Variants in NEDD9 observed in about 807,000 individuals in gnomAD.
NEDD9 encodes neural precursor cell expressed, developmentally down-regulated 9.
Under a neutral mutation model 76.6 loss-of-function variants are expected in NEDD9, and 26 were observed. The ratio of observed to expected loss-of-function variants is 0.34; its 90% confidence interval spans 0.25 to 0.47. The LOEUF (loss-of-function observed/expected upper bound fraction) is 0.47. Among genes scored for constraint, NEDD9 ranks in the 20% least tolerant of loss-of-function variants. The probability of loss-of-function intolerance (pLI) is 1.00; values close to 1 mark genes in which losing one functional copy is unlikely to be tolerated. For missense variants in NEDD9, 937 were observed against 1,058.5 expected, an observed-to-expected ratio of 0.89 and a Z score of 1.59; for synonymous variants, 392 against 414.2, an observed-to-expected ratio of 0.95 and a Z score of 0.65.
rs568489864 is a variant in NEDD9, at chr6:11,205,316, C to T, written c.459+7965G>A. On this transcript the variant is annotated intron_variant, in intron 2 of 6. Transcript: ENST00000379446. Reference sequence around the variant, plus strand: ...CCTAACATGGAGCCAAGGCTCAAGGCGCCTTGGGGTCACCCCCACTTTAGT... The same window carrying T: ...CCTAACATGGAGCCAAGGCTCAAGGTGCCTTGGGGTCACCCCCACTTTAGT... Among the ~76,000 whole-genome samples the T allele has an allele frequency of 5.9e-5, 9 of 152,294 alleles. No individual in the cohort carries two copies. The East Asian group carries it at 7.7e-4, about 13-fold the overall frequency.
At chr6:11,321,287 G>A (rs1012391980) in intron 2 of NEDD9, among the ~76,000 whole-genome samples, 7 of 152,144 alleles carry the variant, frequency 4.6e-5, no homozygotes, top group Non-Finnish European at 7.4e-5. Flanking sequence ...AAATAAAAGC[G>A]AAGGCCACCA....
chr6:11,245,059 C>A (rs1759781857), intron 3 of NEDD9, among the ~76,000 whole-genome samples: 1 of 152,220 alleles, frequency 6.6e-6, no homozygotes, highest in Non-Finnish European at 1.5e-5. Context: ...CCTGTGGCAG[C>A]ACATACAGGG....
rs1581983913 is a variant in NEDD9 at position 11,251,918 on chromosome 6, G to T, written c.13-38191C>A. On this transcript the variant is annotated intron_variant, in intron 3 of 3. Transcript: ENST00000397378. ...GGATTCTGTGCTGCTTCATGCTTTG[G>T]CATGACTCTATGTATGTGTGTGTGG... is the stretch of plus-strand genomic sequence containing the variant. Among the ~76,000 whole-genome samples, 3 of 152,102 alleles carry T rather than the reference G, an allele frequency of 2.0e-5. No individual in the cohort carries two copies. The South Asian group carries it at 6.2e-4, about 32-fold the overall frequency.
chr6:11,345,555 C>G (rs1002029398), intron 1 of NEDD9, among the ~76,000 whole-genome samples: 1 of 152,102 alleles, frequency 6.6e-6, no homozygotes, highest in Admixed American at 6.5e-5. Context: ...TCCGCACATC[C>G]CTATGCTGTG....
intron 1 of NEDD9, among the ~76,000 whole-genome samples, chr6:11,347,560 G>A (rs1762386391): frequency 6.6e-6 from 1 of 152,120 alleles, no homozygotes; most frequent in Non-Finnish European, 1.5e-5. Flanking sequence ...CAAAATACTA[G>A]CAAACCTTTC....
In NEDD9 at chr6:11,232,451, C is replaced by T. The variant is rs2296567; in HGVS notation, c.12+53G>A. On this transcript the variant is annotated intron_variant, in intron 1 of 6. Transcript: ENST00000379446. The stretch of plus-strand genomic sequence containing the variant: ...GGAACACGCATACACAAGCACACAC[C>T]CGCAGGCACAGCTTTCAGCTTGCAA... 7,104 of 1,610,776 alleles carry T rather than the reference C, an allele frequency of 4.4e-3. 193 individuals carry two copies. The Admixed American group carries it at 0.056, about 13-fold the overall frequency.
chr6:11,339,006 A>G (rs939673960), intron 1 of NEDD9, among the ~76,000 whole-genome samples: 2 of 151,828 alleles, frequency 1.3e-5, no homozygotes, highest in South Asian at 2.1e-4. Flanking sequence ...AAATAAAACT[A>G]TCTGGATCTA....
intron 3 of NEDD9, among the ~76,000 whole-genome samples, chr6:11,297,223 C>T (rs943156563): frequency 2.0e-5 from 3 of 151,584 alleles, no homozygotes; most frequent in Non-Finnish European, 4.4e-5. Flanking sequence ...GTTTAACTAC[C>T]AGCTCTTTGA....
chr6:11,373,292 A>G (rs1273545876), intron 1 of NEDD9, among the ~76,000 whole-genome samples: 1 of 152,252 alleles, frequency 6.6e-6, no homozygotes, highest in African/African-American at 2.4e-5. Context: ...TGAAAGCTAC[A>G]TAATGAATAA....
chr6:11,190,059 G>T lies in NEDD9; in HGVS notation c.1810C>A (p.Pro604Thr), dbSNP rs1192953604. Residue 604 changes from proline (P) to threonine (T), a missense_variant, in exon 5 of 7, where the codon CCC (proline) becomes ACC (threonine). By Grantham distance (38) the Pro-to-Thr change is conservative (BLOSUM62 -1). Coordinates refer to ENST00000379446, the MANE Select transcript of NEDD9 (RefSeq NM_006403.4). The surrounding 1 kb of genome is among the most constrained non-coding windows in gnomAD (Gnocchi z 5.8). ...GCCTGCTCCTTGCTCAGGCCTGGGG[G>T]CAGTGCCTTGTTGTGGGCCTGGGCC... is the stretch of plus-strand genomic sequence containing the variant. ...HKAQAHNKAL[P>T]PGLSKEQAPD... 9 of 1,593,560 alleles carry T rather than the reference G, an allele frequency of 5.6e-6. No individual in the cohort carries two copies. Among genetic ancestry groups the T allele is most frequent in the Non-Finnish European group, 7.7e-6 (9 of 1,168,914 alleles).
At chr6:11,263,390 T>G (rs1760148772) in intron 3 of NEDD9, among the ~76,000 whole-genome samples, 1 of 152,218 alleles carries the variant, frequency 6.6e-6, no homozygotes, top group Non-Finnish European at 1.5e-5. Context: ...CCAAGGACTC[T>G]GCATATTTAG....
intron 2 of NEDD9, chr6:11,200,965 T>A: frequency 6.2e-7 from 1 of 1,614,246 alleles, no homozygotes; most frequent in Non-Finnish European, 8.5e-7. Context: ...TCAGATGAGA[T>A]CTTTTCAGTG....
At chr6:11,232,119 C>T (rs1273894067) in intron 1 of NEDD9, among the ~76,000 whole-genome samples, 1 of 152,176 alleles carries the variant, frequency 6.6e-6, no homozygotes, top group Non-Finnish European at 1.5e-5. Flanking sequence ...TCATTCCTCT[C>T]ATTACAGTTC....
intron 2 of NEDD9, among the ~76,000 whole-genome samples, chr6:11,326,146 CAA>C (rs113503681): frequency 7.7e-4 from 69 of 89,818 alleles, no homozygotes; most frequent in African/African-American, 1.3e-3. Context: ...AACCTCATCT[CAA>C]AAAAAAAAAA....
At chr6:11,189,265 C>T (rs1281634354) in intron 5 of NEDD9, among the ~76,000 whole-genome samples, 3 of 152,174 alleles carry the variant, frequency 2.0e-5, no homozygotes, top group Non-Finnish European at 4.4e-5. Flanking sequence ...TTTAATCCCT[C>T]AAAGTGGAAG....
chr6:11,333,578 C>T lies in NEDD9; in HGVS notation c.-153+923G>A, dbSNP rs553419002. Among the ~76,000 whole-genome samples the T allele has an allele frequency of 2.0e-4, 30 of 152,324 alleles. 1 individual carries two copies. Among genetic ancestry groups the T allele is most frequent in the African/African-American group, 7.0e-4 (29 of 41,558 alleles). On this transcript the variant is annotated intron_variant, in intron 2 of 3. Coordinates refer to the NEDD9 transcript ENST00000397378. Reference sequence around the variant, plus strand: ...GAATGCAAGAAAGCCATCAGGCAAGCGGCAGGTGCAGAGACCACAGCCAGG... The same window carrying T: ...GAATGCAAGAAAGCCATCAGGCAAGTGGCAGGTGCAGAGACCACAGCCAGG...
chr6:11,207,025 C>T (rs532973916), intron 2 of NEDD9, among the ~76,000 whole-genome samples: 7 of 152,190 alleles, frequency 4.6e-5, no homozygotes, highest in Non-Finnish European at 1.0e-4. Context: ...AATTCTGGAA[C>T]ATAGTTGTAC....
intron 3 of NEDD9, among the ~76,000 whole-genome samples, chr6:11,289,804 G>T (rs904114164): frequency 6.6e-6 from 1 of 152,256 alleles, no homozygotes; most frequent in East Asian, 1.9e-4. Flanking sequence ...GGTCAGGGGT[G>T]GGGAGGGTAG....
chr6:11,243,442 C>G (rs1372422786), intron 3 of NEDD9, among the ~76,000 whole-genome samples: 4 of 152,192 alleles, frequency 2.6e-5, no homozygotes, highest in Non-Finnish European at 5.9e-5. Flanking sequence ...CTGCACCTAC[C>G]TGTTGGTGGG....
Sources: allele counts gnomAD v4.1 joint callset (sites outside exome capture counted in the v4.1 genomes callset), GRCh38; gene constraint gnomAD v4.1.1; non-coding constraint Gnocchi (gnomAD v3.1); transcripts MANE v1.5; gene names NCBI Gene and HGNC (gene_info 2026-07-23, HGNC 2026-07-21).